Variants in LDLRAD4 observed in about 807,000 individuals in gnomAD.
The protein encoded by LDLRAD4 is low-density lipoprotein receptor class A domain-containing protein 4.
A neutral mutation model predicts 17.0 loss-of-function variants in LDLRAD4; 5 were observed. That is an observed-to-expected ratio of 0.29 (90% CI 0.15 to 0.62). The LOEUF (loss-of-function observed/expected upper bound fraction) is 0.62. Among genes scored for constraint, LDLRAD4 ranks in the 20% least tolerant of loss-of-function variants. The probability of loss-of-function intolerance (pLI) is 0.84; values close to 1 mark genes in which losing one functional copy is unlikely to be tolerated. For synonymous variants in LDLRAD4, 168 were observed against 171.8 expected, an observed-to-expected ratio of 0.98 and a Z score of 0.17; for missense variants, 340 against 424.7, an observed-to-expected ratio of 0.80 and a Z score of 1.75.
At chr18:13,233,149 T>C (rs2042165634) in intron 1 of LDLRAD4, among the ~76,000 whole-genome samples, 1 of 152,238 alleles carries the variant, frequency 6.6e-6, no homozygotes, top group Non-Finnish European at 1.5e-5. Context: ...CAGGCGCCTG[T>C]CCTGAAGGAC....
At chr18:13,508,370 A>G (rs1166275067) in intron 3 of LDLRAD4, among the ~76,000 whole-genome samples, 1 of 152,232 alleles carries the variant, frequency 6.6e-6, no homozygotes, top group Non-Finnish European at 1.5e-5. Context: ...TGGCTGCACT[A>G]AATAACAGAT....
chr18:13,497,175 A>G (rs1600833927), intron 3 of LDLRAD4, among the ~76,000 whole-genome samples: 1 of 152,214 alleles, frequency 6.6e-6, no homozygotes, highest in Non-Finnish European at 1.5e-5. Context: ...ATTTCAACTT[A>G]AAGAAGGGTT....
intron 1 of LDLRAD4, among the ~76,000 whole-genome samples, chr18:13,365,236 CT>C (rs2083970883): frequency 1.3e-5 from 2 of 152,214 alleles, no homozygotes; most frequent in Non-Finnish European, 2.9e-5. Context: ...TAATCTTTTG[CT>C]TTTTACCTTG....
At chr18:13,262,975 T>C (rs1446616843) in intron 1 of LDLRAD4, among the ~76,000 whole-genome samples, 3 of 105,854 alleles carry the variant, frequency 2.8e-5, no homozygotes, top group African/African-American at 1.2e-4. Context: ...CGGCTCTGTT[T>C]GTGGGGGTTG....
intron 3 of LDLRAD4, among the ~76,000 whole-genome samples, chr18:13,455,052 G>A (rs1464487412): frequency 2.6e-5 from 4 of 152,214 alleles, no homozygotes; most frequent in South Asian, 2.1e-4. Context: ...CAAGGGAGGC[G>A]AAGCTGGTGG....
chr18:13,421,109 T>C (rs989295308), intron 2 of LDLRAD4: 2 of 152,286 alleles, frequency 1.3e-5, no homozygotes, highest in East Asian at 3.9e-4. Flanking sequence ...TCTTCTGCAG[T>C]CTCTGCGAGG....
At chr18:13,574,092 ACT>A (rs2094732424) in intron 3 of LDLRAD4, among the ~76,000 whole-genome samples, 1 of 152,060 alleles carries the variant, frequency 6.6e-6, no homozygotes, top group Non-Finnish European at 1.5e-5. Flanking sequence ...GAAGGCTCTA[ACT>A]CTTGGTCGTT....
At chr18:13,309,530 C>G (rs1174375647) in intron 1 of LDLRAD4, among the ~76,000 whole-genome samples, 2 of 152,148 alleles carry the variant, frequency 1.3e-5, no homozygotes, top group Non-Finnish European at 2.9e-5. Context: ...GGGGAGCCCC[C>G]CTTCTCCTGT....
intron 4 of LDLRAD4, among the ~76,000 whole-genome samples, chr18:13,633,693 C>T (rs2041861621): frequency 6.6e-6 from 1 of 152,232 alleles, no homozygotes; most frequent in Non-Finnish European, 1.5e-5. Flanking sequence ...TTGGAGCAGG[C>T]AGCAGGAGCG....
chr18:13,218,727 C>T (rs183466147), upstream of LDLRAD4: 501 of 152,400 alleles, frequency 3.3e-3, 4 homozygotes, highest in Non-Finnish European at 5.0e-3. Flanking sequence ...GCGGGACCGC[C>T]CGGAGCTCCC....
chr18:13,604,456 G>A (rs774109331), intron 3 of LDLRAD4, among the ~76,000 whole-genome samples: 2 of 152,182 alleles, frequency 1.3e-5, no homozygotes, highest in Non-Finnish European at 2.9e-5. Flanking sequence ...CGTGACATTT[G>A]CCTGGATTAA....
rs1171951953 is a variant in LDLRAD4, at chr18:13,456,581, A to G, written c.181+18197A>G. 2.6e-5 allele frequency among the ~76,000 whole-genome samples: 4 copies of G among 152,156 alleles called. No homozygotes were observed. In the East Asian group the frequency reaches 7.7e-4, roughly 29 times the overall value. On this transcript the variant is annotated intron_variant, in intron 3 of 5. Transcript: ENST00000359446. Reference sequence around the variant, plus strand: ...TTCTCTCTTACTAGATTATGAGTAAATCCCTCCAAGGGAGGGTCTGTGTTT... The same window carrying G: ...TTCTCTCTTACTAGATTATGAGTAAGTCCCTCCAAGGGAGGGTCTGTGTTT...
chr18:13,322,777 A>G (rs1038963869), intron 1 of LDLRAD4, among the ~76,000 whole-genome samples: 22 of 140,054 alleles, frequency 1.6e-4, no homozygotes, highest in Admixed American at 1.4e-3. Flanking sequence ...ACCACCATAC[A>G]TGGCTAATTT....
At chr18:13,638,879 C>T (rs79983044) in intron 4 of LDLRAD4, among the ~76,000 whole-genome samples, 2,555 of 152,254 alleles carry the variant, frequency 0.017, 83 homozygotes, top group African/African-American at 0.058. Context: ...TGGACATGTG[C>T]ACATCTGCTC....
In LDLRAD4 at chr18:13,566,079, C is replaced by T. The variant is rs11874905; in HGVS notation, c.182-55038C>T. ...CAGAAATGCTCCCTCCCAGCCCCTGCTCCTGGGGCTGTGGTGTCTGGTAGA... is the reference window on the plus strand; with the variant it reads ...CAGAAATGCTCCCTCCCAGCCCCTGTTCCTGGGGCTGTGGTGTCTGGTAGA... On this transcript the variant is annotated intron_variant, in intron 3 of 5. Transcript: ENST00000359446. Among the ~76,000 whole-genome samples, 473 of 152,312 alleles carry T rather than the reference C, an allele frequency of 3.1e-3. 3 individuals are homozygous for T. The highest frequency in any genetic ancestry group is 0.011 in the African/African-American group (457 of 41,572).
intron 2 of LDLRAD4, among the ~76,000 whole-genome samples, chr18:13,401,812 C>T (rs1233129280): frequency 1.3e-5 from 2 of 152,182 alleles, no homozygotes; most frequent in Non-Finnish European, 2.9e-5. Flanking sequence ...TGTGTGGTTT[C>T]AGCCCCCCTC....
chr18:13,433,481 A>C (rs1434269768), intron 2 of LDLRAD4, among the ~76,000 whole-genome samples: 1 of 152,228 alleles, frequency 6.6e-6, no homozygotes, highest in Non-Finnish European at 1.5e-5. Flanking sequence ...GTATCTGTGA[A>C]AACTAAGGCT....
At chr18:13,457,365 C>G (rs892076784) in intron 3 of LDLRAD4, among the ~76,000 whole-genome samples, 2 of 152,174 alleles carry the variant, frequency 1.3e-5, no homozygotes, top group African/African-American at 4.8e-5. Flanking sequence ...CCTGGGCACC[C>G]CCCTCCAAGA....
intron 3 of LDLRAD4, chr18:13,491,448 A>G (rs2093356727): frequency 6.6e-6 from 1 of 152,216 alleles, no homozygotes; most frequent in Non-Finnish European, 1.5e-5. Flanking sequence ...AGACGCCCTA[A>G]GATAGACATA....
Sources: gnomAD v4.1 joint callset for allele counts (sites outside exome capture counted in the v4.1 genomes callset) on GRCh38, gnomAD v4.1.1 for gene constraint, MANE v1.5 for transcripts, NCBI Gene and HGNC (gene_info 2026-07-23, HGNC 2026-07-21) for gene names.